NALF1: variants seen among roughly 807,000 people sequenced by gnomAD.
NALF1 encodes the protein NALCN channel auxiliary factor 1.
In NALF1, 3 loss-of-function variants were observed where a neutral mutation model predicts 48.4. The observed-to-expected ratio is 0.06, with a 90% CI of 0.03 to 0.16. NALF1 has a LOEUF of 0.16. Among genes scored for constraint, NALF1 ranks in the 10% least tolerant of loss-of-function variants. NALF1 has a pLI of 1.00. For synonymous variants in NALF1, 262 were observed against 245.7 expected, an observed-to-expected ratio of 1.07 and a Z score of -0.62; for missense variants, 526 against 571.5, an observed-to-expected ratio of 0.92 and a Z score of 0.81.
chr13:107,687,970 A>C (rs969205227), intron 1 of NALF1, among the ~76,000 whole-genome samples: 4 of 152,334 alleles, frequency 2.6e-5, no homozygotes, highest in African/African-American at 9.6e-5. Flanking sequence ...CAAAACAATA[A>C]CATTCCTCAA....
chr13:107,652,498 G>A (rs962629949), intron 1 of NALF1, among the ~76,000 whole-genome samples: 6 of 152,034 alleles, frequency 3.9e-5, no homozygotes, highest in African/African-American at 1.2e-4. Flanking sequence ...TACAACTTTT[G>A]GAAATTCATG....
intron 1 of NALF1, among the ~76,000 whole-genome samples, chr13:107,554,678 T>G (rs1877403110): frequency 6.6e-6 from 1 of 152,184 alleles, no homozygotes; most frequent in Non-Finnish European, 1.5e-5. Context: ...ATGTCAGAGT[T>G]TGCAATGTAA....
Position 107,700,691 on chromosome 13 carries a change from T to G in NALF1, c.915+164991A>C, listed in dbSNP as rs550537196. ...AGAAAATAATCTACAAAATGAAAAA[T>G]CAACCTACAAACTGGGAAAAATGTT... On this transcript the variant is annotated intron_variant, in intron 1 of 2. Transcript: ENST00000375915. 5.3e-5 allele frequency among the ~76,000 whole-genome samples: 8 copies of G among 151,732 alleles called. No individual in the cohort carries two copies. The East Asian group carries it at 1.6e-3, about 29-fold the overall frequency.
chr13:107,618,413 A>G (rs952218924), intron 1 of NALF1, among the ~76,000 whole-genome samples: 1 of 152,196 alleles, frequency 6.6e-6, no homozygotes, highest in Non-Finnish European at 1.5e-5. Context: ...GTTTTGTTTT[A>G]TGATAAGTGT....
intron 1 of NALF1, among the ~76,000 whole-genome samples, chr13:107,828,282 G>A (rs547072404): frequency 2.6e-5 from 4 of 152,174 alleles, no homozygotes; most frequent in African/African-American, 7.2e-5. Flanking sequence ...CCATATCCAC[G>A]TTACTGCGTG....
intron 1 of NALF1, among the ~76,000 whole-genome samples, chr13:107,658,116 CTCTT>C (rs1298974393): frequency 3.3e-5 from 5 of 152,086 alleles, no homozygotes; most frequent in Admixed American, 6.6e-5. Flanking sequence ...TAAGACTTGA[CTCTT>C]TATTGTTTTG....
At chr13:107,279,704 C>G (rs1881350483) in intron 1 of NALF1, among the ~76,000 whole-genome samples, 1 of 152,170 alleles carries the variant, frequency 6.6e-6, no homozygotes, top group South Asian at 2.1e-4. Context: ...GCTTCCTAGT[C>G]TTAAACACAT....
chr13:107,786,891 G>A (rs1232056566), intron 1 of NALF1, among the ~76,000 whole-genome samples: 1 of 152,170 alleles, frequency 6.6e-6, no homozygotes, highest in Non-Finnish European at 1.5e-5. Context: ...TCCACTTCTA[G>A]GAGCTGAGAG....
intron 1 of NALF1, among the ~76,000 whole-genome samples, chr13:107,452,814 T>C (rs769054199): frequency 6.6e-6 from 1 of 152,162 alleles, no homozygotes; most frequent in Non-Finnish European, 1.5e-5. Context: ...CAAGTTAGTT[T>C]CTTCCTAGAT....
rs368849185 is a variant in NALF1 at position 107,694,857 on chromosome 13, A to G, written c.915+170825T>C. Among the ~76,000 whole-genome samples, 122 of 152,022 alleles carry G rather than the reference A, an allele frequency of 8.0e-4. 1 individual carries two copies. The highest frequency in any genetic ancestry group is 2.8e-3 in the African/African-American group (114 of 41,454). On this transcript the variant is annotated intron_variant, in intron 1 of 2. Transcript: ENST00000375915. ...GCCCAGGCTAGAATGCTGTAGCACA[A>G]TCTAGGTTCACTGTAACCTCTGCCT...
chr13:107,798,491 T>C (rs1878501600), intron 1 of NALF1, among the ~76,000 whole-genome samples: 1 of 152,172 alleles, frequency 6.6e-6, no homozygotes, highest in Non-Finnish European at 1.5e-5. Flanking sequence ...CTTCTTTCCT[T>C]CCCTTATCAA....
chr13:107,205,609 C>A (rs1879624222), intron 2 of NALF1, among the ~76,000 whole-genome samples: 1 of 151,330 alleles, frequency 6.6e-6, no homozygotes, highest in African/African-American at 2.4e-5. Flanking sequence ...TGTCACAGCT[C>A]AAAAAGAAAG....
chr13:107,349,615 C>T (rs562469335), intron 1 of NALF1, among the ~76,000 whole-genome samples: 119 of 152,002 alleles, frequency 7.8e-4, no homozygotes, highest in African/African-American at 2.8e-3. Context: ...GTGGTGTATG[C>T]CTGTAGTCCC....
chr13:107,325,855 CAT>C lies in NALF1; in HGVS notation c.916-115102_916-115101del, dbSNP rs1228535140. ...AACTGTGTCTCAACACACACACACACATATATATATATATATATATATATATA... is the reference window on the plus strand; with the variant it reads ...AACTGTGTCTCAACACACACACACACATATATATATATATATATATATATA... On this transcript the variant is annotated intron_variant, in intron 1 of 2. Transcript: ENST00000375915. Among the ~76,000 whole-genome samples, 117 of 54,046 alleles carry C rather than the reference CAT, an allele frequency of 2.2e-3. 2 individuals carry two copies. Among genetic ancestry groups the C allele is most frequent in the African/African-American group, 6.5e-3 (104 of 16,116 alleles). 35.5% of individuals were successfully genotyped at this position (54,046 alleles called of 152,430 possible). A position where few individuals can be genotyped will look rare whatever the true frequency, so the allele number is the denominator to read the frequency against.
At chr13:107,573,074 T>G (rs2476782) in intron 1 of NALF1, among the ~76,000 whole-genome samples, 89,571 of 151,818 alleles carry the variant, frequency 0.59, 27,200 homozygotes, top group East Asian at 0.8. Context: ...AACACACACC[T>G]TCTTCTGAGG....
intron 1 of NALF1, among the ~76,000 whole-genome samples, chr13:107,776,136 C>A (rs1447278437): frequency 6.6e-6 from 1 of 152,200 alleles, no homozygotes; most frequent in African/African-American, 2.4e-5. Flanking sequence ...TGAGCTAAAT[C>A]TGGAGCATTT....
chr13:107,788,636 C>A (rs2138585006), intron 1 of NALF1: 1 of 152,344 alleles, frequency 6.6e-6, no homozygotes, highest in South Asian at 2.1e-4. Flanking sequence ...TGGCCGCAGT[C>A]ATTACACAGC....
chr13:107,758,536 A>G (rs1159106188), intron 1 of NALF1, among the ~76,000 whole-genome samples: 3 of 152,070 alleles, frequency 2.0e-5, no homozygotes, highest in African/African-American at 7.2e-5. Context: ...CCTGGCTAAC[A>G]TAGTGAAACC....
intron 1 of NALF1, among the ~76,000 whole-genome samples, chr13:107,762,476 C>G (rs1877291171): frequency 6.6e-6 from 1 of 151,980 alleles, no homozygotes; most frequent in African/African-American, 2.4e-5. Flanking sequence ...CACAAGGGGT[C>G]ATGGGAGAGC....
Sources: gnomAD v4.1 joint callset for allele counts (sites outside exome capture counted in the v4.1 genomes callset) on GRCh38, gnomAD v4.1.1 for gene constraint, MANE v1.5 for transcripts, NCBI Gene and HGNC (gene_info 2026-07-23, HGNC 2026-07-21) for gene names.